The following MGRN1 variants were observed in gnomAD, a reference collection of about 807,000 sequenced individuals.
The protein encoded by MGRN1 is mahogunin ring finger 1.
Under a neutral mutation model 69.2 loss-of-function variants are expected in MGRN1, and 29 were observed. The ratio of observed to expected loss-of-function variants is 0.42; its 90% confidence interval spans 0.31 to 0.57. MGRN1 has a LOEUF of 0.57. Among genes scored for constraint, MGRN1 ranks in the 20% least tolerant of loss-of-function variants. MGRN1 has a pLI of 0.15. For missense variants in MGRN1, 998 were observed against 796.2 expected (o/e 1.25, Z -3.05); for synonymous variants, 470 against 344.2 (o/e 1.37, Z -4.04).
intron 1 of MGRN1, 55 bp from the exon 2 acceptor site, chr16:4,650,308 ACT>A (rs1368299916): frequency 4.2e-5 from 59 of 1,394,102 alleles, no homozygotes; most frequent in Middle Eastern, 3.9e-4. Context: ...CTAGCCTGAG[ACT>A]CTGTCTCAAA....
rs756084789 is a variant in MGRN1 at position 4,650,390 on chromosome 16, C to A, written c.114C>A (p.Phe38Leu). The change falls in exon 2 of 17, where the codon TTC becomes TTA. Residue 38 changes from phenylalanine to leucine, a missense_variant. Physicochemically the swap from Phe to Leu is conservative, Grantham distance 22 (BLOSUM62 0). Coordinates refer to ENST00000262370, the MANE Select transcript of MGRN1 (RefSeq NM_015246.4). ...GAAACTACTTTGCTTCGCACTTTTT[C>A]ATGGGAGGAGAGAAATTCGACACCC... ...KSGNYFASHF[F>L]MGGEKFDTPH... 11 of 1,611,988 alleles carry A rather than the reference C, an allele frequency of 6.8e-6. No individual in the cohort carries two copies. Among genetic ancestry groups the A allele is most frequent in the Non-Finnish European group, 9.3e-6 (11 of 1,179,208 alleles).
At chr16:4,643,403 ATTTTT>A (rs34438924) in intron 1 of MGRN1, among the ~76,000 whole-genome samples, 4 of 109,838 alleles carry the variant, frequency 3.6e-5, no homozygotes, top group Non-Finnish European at 5.5e-5. Context: ...GCCTTGCTTG[ATTTTT>A]TTTTTTTTTT....
intron 1 of MGRN1, among the ~76,000 whole-genome samples, chr16:4,628,019 GC>G (rs1897777587): frequency 6.7e-6 from 1 of 148,542 alleles, no homozygotes. Context: ...GGCGGAGGTT[GC>G]AGTGAGCCGA....
At chr16:4,630,658 C>T (rs1897954082) in intron 1 of MGRN1, among the ~76,000 whole-genome samples, 2 of 151,992 alleles carry the variant, frequency 1.3e-5, no homozygotes, top group African/African-American at 2.4e-5. Context: ...CCATATTGGC[C>T]AGGCTGATCT....
chr16:4,686,284 T>C (rs1455139394), intron 16 of MGRN1: 2 of 1,545,046 alleles, frequency 1.3e-6, no homozygotes, highest in African/African-American at 2.7e-5. Flanking sequence ...CCTGCTCTGT[T>C]GGTATAGACG....
intron 5 of MGRN1, among the ~76,000 whole-genome samples, chr16:4,657,676 C>T (rs1476462180): frequency 6.6e-6 from 1 of 151,858 alleles, no homozygotes; most frequent in African/African-American, 2.4e-5. Flanking sequence ...TCTGTTCACA[C>T]CAGGTGGCAT....
chr16:4,669,392 C>G (rs1172784669), intron 8 of MGRN1: 1 of 143,844 alleles, frequency 7.0e-6, no homozygotes, highest in Non-Finnish European at 1.5e-5. Flanking sequence ...CGAGATCATG[C>G]CACTGCACTC....
chr16:4,647,511 C>A (rs149781000), intron 1 of MGRN1, among the ~76,000 whole-genome samples: 1 of 152,228 alleles, frequency 6.6e-6, no homozygotes, highest in Admixed American at 6.5e-5. Context: ...CTCCACCCCT[C>A]GTCTGCTCTG....
intron 16 of MGRN1, among the ~76,000 whole-genome samples, chr16:4,685,318 C>T (rs908097337): frequency 6.6e-6 from 1 of 152,246 alleles, no homozygotes; most frequent in African/African-American, 2.4e-5. Context: ...CTGCGCCTCC[C>T]CTCTGTGGCC....
Position 4,637,387 on chromosome 16 carries a change from G to A in MGRN1, c.88+12339G>A, listed in dbSNP as rs542002557. 4.6e-5 allele frequency among the ~76,000 whole-genome samples: 7 copies of A among 152,102 alleles called. No homozygotes were observed. The East Asian group carries it at 7.7e-4, about 17-fold the overall frequency. ...GGAGGTTACAGTGAGCCAAGATCGCGCCATTGCACTCCAGCCTGAGCGACA... is the reference window on the plus strand; with the variant it reads ...GGAGGTTACAGTGAGCCAAGATCGCACCATTGCACTCCAGCCTGAGCGACA... On this transcript the variant is annotated intron_variant, in intron 1 of 16. Coordinates refer to ENST00000262370, the MANE Select transcript of MGRN1 (RefSeq NM_015246.4).
intron 1 of MGRN1, among the ~76,000 whole-genome samples, chr16:4,628,362 G>A (rs1476832489): frequency 6.8e-6 from 1 of 147,960 alleles, no homozygotes; most frequent in African/African-American, 2.5e-5. Context: ...CTCCAGCTGG[G>A]CGATAGAGTG....
intron 1 of MGRN1, among the ~76,000 whole-genome samples, chr16:4,629,442 T>C (rs1363727210): frequency 6.6e-6 from 1 of 152,134 alleles, no homozygotes; most frequent in South Asian, 2.1e-4. Context: ...TTTGGAGTTA[T>C]GTTTAAGAAA....
At chr16:4,687,352 C>T (rs752846785) in intron 16 of MGRN1, 9 of 957,976 alleles carry the variant, frequency 9.4e-6, no homozygotes, top group African/African-American at 3.5e-5. Flanking sequence ...AATTCAAGAT[C>T]AGTGTAGAAA....
At chr16:4,677,948 A>G (rs539541729) in intron 11 of MGRN1, among the ~76,000 whole-genome samples, 237 of 151,690 alleles carry the variant, frequency 1.6e-3, no homozygotes, top group African/African-American at 5.6e-3. Context: ...TCCCGCCTCA[A>G]GCAATTCCCC....
chr16:4,660,568 CA>C (rs2078653941), intron 5 of MGRN1, among the ~76,000 whole-genome samples: 1 of 152,212 alleles, frequency 6.6e-6, no homozygotes, highest in Non-Finnish European at 1.5e-5. Context: ...TGCGCGGATG[CA>C]TTCCAGGCCT....
At chr16:4,643,487 A>G (rs1257795365) in intron 1 of MGRN1, among the ~76,000 whole-genome samples, 2 of 141,512 alleles carry the variant, frequency 1.4e-5, no homozygotes, top group Admixed American at 7.7e-5. Context: ...CTCCTGCCTC[A>G]GCCCCTCCCA....
chr16:4,688,750 A>G (rs1420330950), intron 16 of MGRN1, 46 bp from the exon 17 acceptor site: 1 of 1,510,604 alleles, frequency 6.6e-7, no homozygotes, highest in Non-Finnish European at 8.9e-7. Flanking sequence ...GTGGCGTGGC[A>G]CCAGGCATCC....
chr16:4,687,506 C>T (rs1238674131), intron 16 of MGRN1: 1 of 981,226 alleles, frequency 1.0e-6, no homozygotes, highest in African/African-American at 1.8e-5. Flanking sequence ...GAGACGCTGT[C>T]TCAATAAAAA....
chr16:4,652,527 T>C, intron 3 of MGRN1, 151 bp from the exon 4 acceptor site: 4 of 1,028,912 alleles, frequency 3.9e-6, no homozygotes, highest in Non-Finnish European at 4.1e-6. Context: ...TGGGCTTTCA[T>C]GTACAAATAG....
Sources: allele counts gnomAD v4.1 joint callset (sites outside exome capture counted in the v4.1 genomes callset), GRCh38; gene constraint gnomAD v4.1.1; transcripts MANE v1.5; gene names NCBI Gene and HGNC (gene_info 2026-07-23, HGNC 2026-07-21).